The following MORN4 variants were observed in gnomAD, a reference collection of about 807,000 sequenced individuals.
MORN4 encodes MORN repeat containing 4.
Under a neutral mutation model 16.4 loss-of-function variants are expected in MORN4, and 8 were observed. The ratio of observed to expected loss-of-function variants is 0.49; its 90% CI spans 0.29 to 0.88. The LOEUF is 0.88. Ranked by LOEUF, MORN4 falls within the 40% of genes least tolerant of loss-of-function variation. The probability of loss-of-function intolerance (pLI) is 0.09; values close to 1 mark genes in which losing one functional copy is unlikely to be tolerated. For synonymous variants in MORN4, 53 were observed against 68.9 expected (o/e 0.77, Z 1.14); for missense variants, 159 against 182.9 (o/e 0.87, Z 0.75).
chr10:97,628,654 C>T (rs899408102), intron 1 of MORN4, among the ~76,000 whole-genome samples: 6 of 152,090 alleles, frequency 3.9e-5, no homozygotes, highest in African/African-American at 1.4e-4. Flanking sequence ...GTGCCTCAGC[C>T]TCCTGAGTAG....
At chr10:97,619,515 A>C (rs775056358) in intron 2 of MORN4, 72 bp downstream of exon 2, 10 of 1,092,312 alleles carry the variant, frequency 9.2e-6, no homozygotes, top group Non-Finnish European at 1.4e-5. Flanking sequence ...AAAGTTGGCT[A>C]TATATCCTGA....
intron 1 of MORN4, among the ~76,000 whole-genome samples, chr10:97,623,094 A>C (rs2041318171): frequency 1.3e-5 from 2 of 151,988 alleles, no homozygotes; most frequent in Non-Finnish European, 1.5e-5. Context: ...TGTTTTCTCC[A>C]GTAATTTTGA....
At chr10:97,631,749 C>T (rs778947830) in intron 1 of MORN4, among the ~76,000 whole-genome samples, 11 of 151,928 alleles carry the variant, frequency 7.2e-5, no homozygotes, top group East Asian at 3.9e-4. Flanking sequence ...AGCTGGGAAA[C>T]GTAGTGAGAC....
intron 1 of MORN4, among the ~76,000 whole-genome samples, chr10:97,631,099 G>A (rs940278340): frequency 5.3e-5 from 8 of 152,182 alleles, no homozygotes; most frequent in African/African-American, 1.9e-4. Context: ...TGATCTGCCT[G>A]CTTCAGCCTT....
chr10:97,616,461 C>T, intron 4 of MORN4, 50 bp from the exon 5 acceptor site: 1 of 1,547,170 alleles, frequency 6.5e-7, no homozygotes, highest in Non-Finnish European at 8.7e-7. Context: ...ATTAATGTCT[C>T]AAAGATGAGA....
chr10:97,628,615 C>A (rs1187675849), intron 1 of MORN4, among the ~76,000 whole-genome samples: 1 of 151,818 alleles, frequency 6.6e-6, no homozygotes, highest in Non-Finnish European at 1.5e-5. Flanking sequence ...CTCACTGCAA[C>A]CTCCGCCTCC....
At chr10:97,632,804 G>T (rs1589926327) in intron 1 of MORN4, among the ~76,000 whole-genome samples, 1 of 151,892 alleles carries the variant, frequency 6.6e-6, no homozygotes, top group African/African-American at 2.4e-5. Context: ...GAAAGGGAAT[G>T]CCAGGGCTGG....
At chr10:97,617,984 G>A (rs1333230311) in intron 2 of MORN4, among the ~76,000 whole-genome samples, 1 of 152,044 alleles carries the variant, frequency 6.6e-6, no homozygotes, top group African/African-American at 2.4e-5. Flanking sequence ...AGATCAGCCT[G>A]GCTAACATGG....
At chr10:97,626,368 C>T (rs1288647109) in intron 1 of MORN4, among the ~76,000 whole-genome samples, 3 of 139,248 alleles carry the variant, frequency 2.2e-5, no homozygotes, top group Non-Finnish European at 4.6e-5. Context: ...CAGAGCGAGA[C>T]TCTGACTCAA....
intron 1 of MORN4, among the ~76,000 whole-genome samples, chr10:97,623,828 C>T (rs910976370): frequency 1.1e-4 from 17 of 151,860 alleles, no homozygotes; most frequent in Middle Eastern, 6.8e-3. Flanking sequence ...CTCTGCCTCC[C>T]GGGTTCATGC....
chr10:97,634,047 G>T (rs796970915), upstream of MORN4, among the ~76,000 whole-genome samples: 11 of 152,222 alleles, frequency 7.2e-5, no homozygotes, highest in African/African-American at 2.6e-4. Context: ...CCAGCACTTC[G>T]GGAGGCCGCG....
intron 1 of MORN4, among the ~76,000 whole-genome samples, chr10:97,627,514 C>A (rs2041359428): frequency 6.6e-6 from 1 of 152,192 alleles, no homozygotes; most frequent in African/African-American, 2.4e-5. Context: ...CTAGGCCTGA[C>A]CAGAGCAGGG....
At chr10:97,631,824 A>T (rs1463264638) in intron 1 of MORN4, among the ~76,000 whole-genome samples, 3 of 152,052 alleles carry the variant, frequency 2.0e-5, no homozygotes, top group Non-Finnish European at 4.4e-5. Flanking sequence ...AGTCCCAGCT[A>T]CTCAGGAGGC....
In MORN4 at chr10:97,616,121, T is replaced by G; in HGVS notation, c.*142A>C. The G allele has an allele frequency of 1.3e-6, 1 of 788,458 alleles. No individual in the cohort carries two copies. The allele number at this position is 788,458 out of a possible 1,614,324, so 48.8% of individuals were successfully genotyped here. On this transcript the variant is annotated 3_prime_UTR_variant, in exon 5 of 5. Transcript: ENST00000307450. The stretch of plus-strand genomic sequence containing the variant: ...ACTTTTCTGTGGTCCAGTTCTGGAA[T>G]GGCAGGTGACAGGGCACATACAAGG...
chr10:97,617,130 C>A (rs748328954), intron 3 of MORN4, 78 bp downstream of exon 3: 14 of 1,092,404 alleles, frequency 1.3e-5, no homozygotes, highest in Non-Finnish European at 1.7e-5. Context: ...CAGGATTGAC[C>A]AGATATTTAC....
intron 1 of MORN4, among the ~76,000 whole-genome samples, chr10:97,625,278 A>G (rs553779277): frequency 3.4e-4 from 52 of 152,336 alleles, no homozygotes; most frequent in African/African-American, 1.2e-3. Context: ...CTCTGAGCAC[A>G]GGAGGACTTG....
intron 1 of MORN4, among the ~76,000 whole-genome samples, chr10:97,630,303 A>G (rs2135743702): frequency 6.6e-6 from 1 of 151,768 alleles, no homozygotes; most frequent in East Asian, 1.9e-4. Flanking sequence ...TCCTGATCTC[A>G]TGATCCGCCC....
rs2041413030 is a variant in MORN4, at chr10:97,633,278, C to T, written c.-31+69G>A. Reference sequence around the variant, plus strand: ...CCCCGAGCCGGGTCATCTCGTGCTCCGTTCCTCAGTGCCCACCTGACCGAT... The same window carrying T: ...CCCCGAGCCGGGTCATCTCGTGCTCTGTTCCTCAGTGCCCACCTGACCGAT... On this transcript the variant is annotated intron_variant, in intron 1 of 4. Transcript: ENST00000307450. The surrounding 1 kb of genome is among the most constrained non-coding windows in gnomAD (Gnocchi z 4.5). 2 of 1,267,416 alleles carry T rather than the reference C, an allele frequency of 1.6e-6. No individual in the cohort carries two copies. Among genetic ancestry groups the T allele is most frequent in the African/African-American group, 1.5e-5 (1 of 65,578 alleles). 78.5% of individuals were successfully genotyped at this position (1,267,416 alleles called of 1,614,324 possible).
At chr10:97,626,232 C>T (rs998060799) in intron 1 of MORN4, among the ~76,000 whole-genome samples, 5 of 151,744 alleles carry the variant, frequency 3.3e-5, no homozygotes, top group Admixed American at 2.6e-4. Flanking sequence ...CAAAAATTAG[C>T]CAGGCGTGGT....
Sources: gnomAD v4.1 joint callset for allele counts (sites outside exome capture counted in the v4.1 genomes callset) on GRCh38, gnomAD v4.1.1 for gene constraint, Gnocchi (gnomAD v3.1) non-coding constraint, MANE v1.5 for transcripts, NCBI Gene and HGNC (gene_info 2026-07-23, HGNC 2026-07-21) for gene names.